Variants in SLC25A25 observed in about 807,000 individuals in gnomAD.
SLC25A25 encodes solute carrier family 25 member 25.
Under a neutral mutation model 57.7 loss-of-function variants are expected in SLC25A25, and 32 were observed. The observed-to-expected ratio is 0.55, with a 90% CI of 0.42 to 0.74. The LOEUF is 0.74. Among genes scored for constraint, SLC25A25 ranks in the 30% least tolerant of loss-of-function variants. The pLI is 0.00. For missense variants in SLC25A25, 556 were observed against 701.3 expected (o/e 0.79, Z 2.34); for synonymous variants, 306 against 291.2 (o/e 1.05, Z -0.52).
At chr9:128,071,756 G>A (rs570064000) in intron 1 of SLC25A25, among the ~76,000 whole-genome samples, 15 of 151,272 alleles carry the variant, frequency 9.9e-5, no homozygotes, top group East Asian at 1.9e-4. Context: ...CCGCTCTGTC[G>A]CCCAGGCTGG....
Position 128,108,357 on chromosome 9 carries a change from A to C in SLC25A25, c.*913A>C, listed in dbSNP as rs998164809. ...TTTGTCCAGAAGGACAAGCCGGACA[A>C]ATGAGCGACTTCTGTGCTTCCAGAG... On this transcript the variant is annotated 3_prime_UTR_variant, in exon 11 of 11. Transcript: ENST00000373069. 5.0e-6 allele frequency: 2 copies of C among 397,970 alleles called. No homozygotes were observed. Among genetic ancestry groups the C allele is most frequent in the South Asian group, 1.4e-4 (1 of 7,066 alleles). 24.7% of individuals were successfully genotyped at this position (397,970 alleles called of 1,614,324 possible).
Position 128,106,200 on chromosome 9 carries a change from G to C in SLC25A25, c.987G>C (p.Arg329Ser). 1.2e-6 allele frequency: 2 copies of C among 1,614,232 alleles called. No homozygotes were observed. Among genetic ancestry groups the C allele is most frequent in the Non-Finnish European group, 1.7e-6 (2 of 1,180,036 alleles). Reference sequence around the variant, plus strand: ...AGGAGACTCTGAGGATTCACGAGAGGCTTGTGGCAGGGTCCTTGGCAGGGG... The same window carrying C: ...AGGAGACTCTGAGGATTCACGAGAGCCTTGTGGCAGGGTCCTTGGCAGGGG... Reference protein sequence around the residue: ...SDQETLRIHERLVAGSLAGAI... With the variant: ...SDQETLRIHESLVAGSLAGAI... The change falls in exon 8 of 11, where the codon AGG becomes AGC. Residue 329 changes from arginine to serine, a missense_variant. Physicochemically the swap from Arg to Ser is moderately radical, Grantham distance 110. This residue lies in a region of SLC25A25 where 294 missense variants were observed against 389.6 expected (regional missense o/e 0.75). Coordinates refer to ENST00000373069, the MANE Select transcript of SLC25A25 (RefSeq NM_001330988.2).
At chr9:128,068,659 T>G in intron 1 of SLC25A25, 79 bp downstream of exon 1, 1 of 1,341,952 alleles carries the variant, frequency 7.5e-7, no homozygotes. Flanking sequence ...GGACGGCCCC[T>G]TGGGCTGGGC....
intron 1 of SLC25A25, among the ~76,000 whole-genome samples, chr9:128,088,109 G>A (rs1019290997): frequency 1.3e-5 from 2 of 152,178 alleles, no homozygotes; most frequent in Non-Finnish European, 2.9e-5. Context: ...GGTTATTAGT[G>A]TATTCCTATG....
intron 1 of SLC25A25, among the ~76,000 whole-genome samples, chr9:128,070,349 C>G (rs989813138): frequency 1.3e-5 from 2 of 151,712 alleles, no homozygotes; most frequent in African/African-American, 4.8e-5. Context: ...CCGCCCGCCT[C>G]AGCCTCCCAA....
chr9:128,068,318 CG>C lies in SLC25A25; in HGVS notation c.-1del. 7.0e-7 allele frequency: 1 copy of C among 1,419,724 alleles called. No individual in the cohort carries two copies. The highest frequency in any genetic ancestry group is 9.2e-7 in the Non-Finnish European group (1 of 1,088,156). The allele number at this position is 1,419,724 out of a possible 1,614,324, so 87.9% of individuals were successfully genotyped here. On this transcript the variant is annotated 5_prime_UTR_variant, in exon 1 of 11. Transcript: ENST00000373069. ...GCGCCCGGAGCCCCTGCCTCGCGCC[CG>C]ATGGTGAGCAGTGTGTTGTGCCGCT...
In SLC25A25 at chr9:128,101,396, G is replaced by GGTGA; in HGVS notation, c.476+4_476+7dup. The GGTGA allele has an allele frequency of 6.2e-7, 1 of 1,614,170 alleles. No homozygotes were observed. The highest frequency in any genetic ancestry group is 8.5e-7 in the Non-Finnish European group (1 of 1,180,036). On this transcript the variant is annotated stop_gained and frameshift_variant and splice_region_variant. Transcript: ENST00000373069. LOFTEE classifies it high-confidence loss of function. The surrounding 1 kb of genome is among the most constrained non-coding windows in gnomAD (Gnocchi z 4.9). ...CAGCAGGCAGAAAAAATTCTCAAGA[G>GGTGA]GTGAGTGCTCAGCCAGCCTCTGTGT...
intron 1 of SLC25A25, chr9:128,098,838 T>C (rs1833661628): frequency 1.3e-6 from 2 of 1,516,794 alleles, no homozygotes; most frequent in Admixed American, 4.1e-5. Flanking sequence ...GTCTGAAATG[T>C]AGCAGTTTTT....
chr9:128,103,942 C>A lies in SLC25A25; in HGVS notation c.783+103C>A. 8.0e-7 allele frequency: 1 copy of A among 1,253,004 alleles called. No individual in the cohort carries two copies. The highest frequency in any genetic ancestry group is 1.1e-6 in the Non-Finnish European group (1 of 934,142). 77.6% of individuals were successfully genotyped at this position (1,253,004 alleles called of 1,614,324 possible). A position where few individuals can be genotyped will look rare whatever the true frequency, so the allele number is the denominator to read the frequency against. ...CTCTGGCTGGTGCCTGCTTTGGGCC[C>A]AAACTTTTCTAACCCAATAAATTAG... On this transcript the variant is annotated intron_variant, in intron 6 of 10. Coordinates refer to ENST00000373069, the MANE Select transcript of SLC25A25 (RefSeq NM_001330988.2). The surrounding 1 kb of genome is among the most constrained non-coding windows in gnomAD (Gnocchi z 6.7).
In SLC25A25 at chr9:128,103,313, C is replaced by T. The variant is rs1345913095; in HGVS notation, c.625-368C>T. Among the ~76,000 whole-genome samples the T allele has an allele frequency of 6.6e-6, 1 of 152,240 alleles. No individual in the cohort carries two copies. Among genetic ancestry groups the T allele is most frequent in the Non-Finnish European group, 1.5e-5 (1 of 68,038 alleles). On this transcript the variant is annotated intron_variant, in intron 5 of 10. Coordinates refer to ENST00000373069, the MANE Select transcript of SLC25A25 (RefSeq NM_001330988.2). The surrounding 1 kb of genome is among the most constrained non-coding windows in gnomAD (Gnocchi z 6.7). ...TGGTTACACGTGAGATCTCAGACGG[C>T]TCTCACCCCGGCCTGATCCCTTCAG... is the stretch of plus-strand genomic sequence containing the variant.
chr9:128,105,569 T>C (rs183533169), intron 6 of SLC25A25, among the ~76,000 whole-genome samples, 160 bp from the exon 7 acceptor site: 5 of 152,326 alleles, frequency 3.3e-5, no homozygotes, highest in African/African-American at 9.6e-5. Context: ...CTTAGCCGTG[T>C]TGGGTTACTT....
Position 128,103,869 on chromosome 9 carries a change from G to T in SLC25A25, c.783+30G>T. The T allele has an allele frequency of 6.7e-7, 1 of 1,502,786 alleles. No homozygotes were observed. 93.1% of individuals were successfully genotyped at this position (1,502,786 alleles called of 1,614,324 possible). A position where few individuals can be genotyped will look rare whatever the true frequency, so the allele number is the denominator to read the frequency against. On this transcript the variant is annotated intron_variant, in intron 6 of 10. Transcript: ENST00000373069. The surrounding 1 kb of genome is among the most constrained non-coding windows in gnomAD (Gnocchi z 6.7). ...GTAGGGAAAAGGCCCCAGACCCCTGGGGGGCCAGTTTCCACCTGGGGGATG... is the reference window on the plus strand; with the variant it reads ...GTAGGGAAAAGGCCCCAGACCCCTGTGGGGCCAGTTTCCACCTGGGGGATG...
chr9:128,104,352 C>T (rs900441307), intron 6 of SLC25A25, among the ~76,000 whole-genome samples: 2 of 152,246 alleles, frequency 1.3e-5, no homozygotes, highest in East Asian at 1.9e-4. Flanking sequence ...TCCCCTTGCC[C>T]GTACCTAGTA....
At position 128,101,065 on chromosome 9, in the gene SLC25A25, CA is replaced by C; in HGVS notation, c.262-27del. The C allele has an allele frequency of 1.2e-6, 2 of 1,613,336 alleles. No homozygotes were observed. Among genetic ancestry groups the C allele is most frequent in the Non-Finnish European group, 1.7e-6 (2 of 1,179,822 alleles). ...GACAAGGAAAGGCTGGTCCAGGAGC[CA>C]AAAGACAAAATGTTACCTTTCTTTT... On this transcript the variant is annotated intron_variant, in intron 1 of 10. Coordinates refer to ENST00000373069, the MANE Select transcript of SLC25A25 (RefSeq NM_001330988.2). The surrounding 1 kb of genome is among the most constrained non-coding windows in gnomAD (Gnocchi z 4.9).
intron 1 of SLC25A25, among the ~76,000 whole-genome samples, chr9:128,070,954 A>G (rs1432885272): frequency 2.3e-5 from 3 of 130,786 alleles, no homozygotes; most frequent in African/African-American, 7.6e-5. Flanking sequence ...CCATCTCAAA[A>G]AAAAAAAAAA....
chr9:128,080,622 A>G (rs556806950), intron 1 of SLC25A25, among the ~76,000 whole-genome samples: 2 of 151,376 alleles, frequency 1.3e-5, no homozygotes, highest in African/African-American at 4.9e-5. Context: ...ATGAGGTTTC[A>G]CCATGCTGGC....
At chr9:128,083,201 C>A (rs12348876) in intron 1 of SLC25A25, among the ~76,000 whole-genome samples, 1 of 148,966 alleles carries the variant, frequency 6.7e-6, no homozygotes, top group Non-Finnish European at 1.5e-5. Context: ...GCACTCCAGC[C>A]TAGGTGACAG....
rs970671980 is a variant in SLC25A25 at position 128,071,703 on chromosome 9, C to T, written c.261+3123C>T. Among the ~76,000 whole-genome samples the T allele has an allele frequency of 7.9e-5, 12 of 151,298 alleles. No homozygotes were observed. In the South Asian group the frequency reaches 1.3e-3, roughly 16 times the overall value. ...CTGGGATTACAGGCGTGAGCTACCG[C>T]GCCTGGCCTATTTATCTATTTTATT... On this transcript the variant is annotated intron_variant, in intron 1 of 10. Coordinates refer to ENST00000373069, the MANE Select transcript of SLC25A25 (RefSeq NM_001330988.2).
chr9:128,091,466 G>A (rs763206211), intron 1 of SLC25A25: 67 of 986,456 alleles, frequency 6.8e-5, no homozygotes, highest in Non-Finnish European at 7.9e-5. Context: ...GGTGATGAGC[G>A]AGGACAGCTG....
Sources: allele counts gnomAD v4.1 joint callset (sites outside exome capture counted in the v4.1 genomes callset), GRCh38; gene constraint gnomAD v4.1.1; regional missense constraint gnomAD v4.1.1; non-coding constraint Gnocchi (gnomAD v3.1); transcripts MANE v1.5; gene names NCBI Gene and HGNC (gene_info 2026-07-23, HGNC 2026-07-21).